Variants in CENPI observed in about 807,000 individuals in gnomAD.
CENPI encodes centromere protein I.
A neutral mutation model predicts 60.4 loss-of-function variants in CENPI; 4 were observed. That is an observed-to-expected ratio of 0.07 (90% CI 0.03 to 0.15). The LOEUF (loss-of-function observed/expected upper bound fraction) is 0.15, where lower values mean the gene tolerates loss of function less well. Among genes scored for constraint, CENPI ranks in the 10% least tolerant of loss-of-function variants. The pLI is 1.00. For missense variants in CENPI, 444 were observed against 534.5 expected (o/e 0.83, Z 1.67); for synonymous variants, 157 against 189.4 (o/e 0.83, Z 1.40).
At chrX:101,116,068 A>T (rs766805314) in intron 6 of CENPI, among the ~76,000 whole-genome samples, 6 of 111,861 alleles carry the variant, frequency 5.4e-5, no homozygotes, top group South Asian at 3.7e-4. Flanking sequence ...GCATCCATGG[A>T]TTCATCCAAT....
chrX:101,181,509 T>G, the CENPI span, among the ~76,000 whole-genome samples: 6 of 112,346 alleles, frequency 5.3e-5, no homozygotes, highest in Non-Finnish European at 5.6e-5. Context: ...GTCTTATACT[T>G]ATTTTATTGA....
intron 6 of CENPI, among the ~76,000 whole-genome samples, chrX:101,114,448 C>G (rs1015484791): frequency 4.7e-4 from 52 of 111,618 alleles, no homozygotes; most frequent in Non-Finnish European, 8.3e-4. Context: ...AAACCCCACA[C>G]CCTTTGCTAT....
intron 6 of CENPI, among the ~76,000 whole-genome samples, chrX:101,115,740 C>G (rs2089615158): frequency 1.8e-5 from 2 of 111,750 alleles, no homozygotes; most frequent in African/African-American, 6.5e-5. Flanking sequence ...CAAGCATCAC[C>G]ACTATCTATT....
intron 3 of CENPI, 69 bp from the exon 4 acceptor site, chrX:101,102,205 C>G (rs12156858): frequency 0.46 from 398,756 of 867,226 alleles, 66,869 homozygotes; most frequent in Middle Eastern, 0.52. Flanking sequence ...GTTCCAAATT[C>G]TTATTATTGA....
chrX:101,148,720 G>T (rs755249451), intron 20 of CENPI, among the ~76,000 whole-genome samples: 1 of 111,816 alleles, frequency 8.9e-6, no homozygotes, highest in East Asian at 2.8e-4. Context: ...ACATGGAGAA[G>T]AACTCAAATG....
chrX:101,166,723 C>G (rs972213813), downstream of CENPI, among the ~76,000 whole-genome samples: 1 of 112,329 alleles, frequency 8.9e-6, no homozygotes, highest in African/African-American at 3.2e-5. Flanking sequence ...ATGTTCAATA[C>G]TAAAGAATAC....
intron 15 of CENPI, among the ~76,000 whole-genome samples, chrX:101,139,088 CTTTTT>C (rs1281553958): frequency 6.0e-5 from 4 of 66,953 alleles, no homozygotes; most frequent in Non-Finnish European, 1.1e-4. Flanking sequence ...CGCGCCCGAC[CTTTTT>C]TTTTTTTTTT....
intron 6 of CENPI, 120 bp from the exon 7 acceptor site, chrX:101,120,281 TC>T: frequency 5.3e-6 from 2 of 376,570 alleles, no homozygotes; most frequent in Non-Finnish European, 9.5e-6. Flanking sequence ...AAACTATTGT[TC>T]AGTGAAGTCC....
chrX:101,133,428 C>G, intron 15 of CENPI, among the ~76,000 whole-genome samples: 1 of 107,528 alleles, frequency 9.3e-6, no homozygotes, highest in South Asian at 4.1e-4. Context: ...TTAGGCTGGA[C>G]CATAGGAAAT....
At position 101,120,631 on chromosome X, in the gene CENPI, A is replaced by G. The variant is rs2089667021; in HGVS notation, c.641-107A>G. 5 of 774,742 alleles carry G rather than the reference A, an allele frequency of 6.5e-6. No individual in the cohort carries two copies. The East Asian group carries it at 1.6e-4, about 25-fold the overall frequency. 63.8% of individuals were successfully genotyped at this position (774,742 alleles called of 1,213,427 possible). A position where few individuals can be genotyped will look rare whatever the true frequency, so the allele number is the denominator to read the frequency against. On this transcript the variant is annotated intron_variant, in intron 7 of 21. Coordinates refer to ENST00000682095, the MANE Select transcript of CENPI (RefSeq NM_001386188.2). ...AACTGAACAGGTATTTATTTCCTTGATATGTTACAAGAAGAAACTGTATGA... is the reference window on the plus strand; with the variant it reads ...AACTGAACAGGTATTTATTTCCTTGGTATGTTACAAGAAGAAACTGTATGA...
intron 4 of CENPI, among the ~76,000 whole-genome samples, chrX:101,107,060 CAAAAAA>C (rs777807842): frequency 1.6e-5 from 1 of 62,148 alleles, no homozygotes. Context: ...GACCCTGTCT[CAAAAAA>C]AAAAAAAAAA....
At chrX:101,144,092 T>C (rs374631996) in intron 16 of CENPI, among the ~76,000 whole-genome samples, 3 of 100,499 alleles carry the variant, frequency 3.0e-5, no homozygotes, top group East Asian at 5.9e-4. Context: ...TTTTTCTTTT[T>C]TTTTTTTTTT....
chrX:101,148,180 T>G lies in CENPI; in HGVS notation c.2094+19T>G, dbSNP rs764518809. ...GCTACAGGTAAGGGTATTTAAAGAA[T>G]TTTTAGATTTTGTATCTTAATACTG... is the stretch of plus-strand genomic sequence containing the variant. On this transcript the variant is annotated intron_variant, in intron 20 of 21. Transcript: ENST00000682095. 2.3e-5 allele frequency: 26 copies of G among 1,139,625 alleles called. No individual in the cohort carries two copies. Among genetic ancestry groups the G allele is most frequent in the Non-Finnish European group, 3.1e-5 (26 of 836,272 alleles). 93.9% of individuals were successfully genotyped at this position (1,139,625 alleles called of 1,213,427 possible).
the CENPI span, among the ~76,000 whole-genome samples, chrX:101,180,070 G>A: frequency 0.078 from 8,664 of 111,727 alleles, 316 homozygotes; most frequent in Non-Finnish European, 0.11. Flanking sequence ...ATGACTGGTG[G>A]TGTTGAACAT....
rs964359527 is a variant in CENPI at position 101,154,923 on chromosome X, C to T, written c.2095-6605C>T. On this transcript the variant is annotated intron_variant, in intron 20 of 21. Transcript: ENST00000682095. ...GCACCCGTATATTGATCTTATATCT[C>T]ATAATGTTGAACTCATTTATTAGTT... Among the ~76,000 whole-genome samples the T allele has an allele frequency of 2.7e-5, 3 of 111,669 alleles. No homozygotes were observed. The Admixed American group carries it at 2.9e-4, about 11-fold the overall frequency.
At chrX:101,139,386 C>A (rs1307123055) in intron 15 of CENPI, among the ~76,000 whole-genome samples, 2 of 111,112 alleles carry the variant, frequency 1.8e-5, no homozygotes, top group Non-Finnish European at 1.9e-5. Flanking sequence ...TGAACCACCA[C>A]GCCTGGCCAA....
chrX:101,170,004 G>A (rs1274047261), downstream of CENPI, among the ~76,000 whole-genome samples: 1 of 111,829 alleles, frequency 8.9e-6, no homozygotes, highest in African/African-American at 3.2e-5. Context: ...AGTAAGCTAA[G>A]GCTAATTTAT....
rs145711384 is a variant in CENPI at position 101,112,045 on chromosome X, A to G, written c.591+2047A>G. 2.5e-3 allele frequency among the ~76,000 whole-genome samples: 281 copies of G among 111,337 alleles called. 2 individuals are homozygous for G. The highest frequency in any genetic ancestry group is 8.7e-3 in the African/African-American group (266 of 30,690). ...GACTCTGTCTCAAAAAAAAAGAATG[A>G]CTGACGTACGAACCGTAGTTATACA... On this transcript the variant is annotated intron_variant, in intron 6 of 21. Coordinates refer to ENST00000682095, the MANE Select transcript of CENPI (RefSeq NM_001386188.2).
At chrX:101,112,848 G>A (rs1009204215) in intron 6 of CENPI, among the ~76,000 whole-genome samples, 5 of 109,488 alleles carry the variant, frequency 4.6e-5, no homozygotes, top group African/African-American at 9.9e-5. Flanking sequence ...TTTTTGGGAC[G>A]GAGTCTCACT....
Sources: allele counts gnomAD v4.1 joint callset (sites outside exome capture counted in the v4.1 genomes callset), GRCh38; gene constraint gnomAD v4.1.1; transcripts MANE v1.5; gene names NCBI Gene and HGNC (gene_info 2026-07-23, HGNC 2026-07-21).